The following PLCD4 variants were observed in gnomAD, a reference collection of about 807,000 sequenced individuals.
PLCD4 encodes phospholipase C delta 4.
Under a neutral mutation model 90.2 loss-of-function variants are expected in PLCD4, and 63 were observed. The ratio of observed to expected loss-of-function variants is 0.70; its 90% CI spans 0.57 to 0.86. The LOEUF (loss-of-function observed/expected upper bound fraction) is 0.86. Among genes scored for constraint, PLCD4 ranks in the 40% least tolerant of loss-of-function variants. The pLI, the probability that PLCD4 is intolerant of heterozygous loss-of-function variation, is 0.00. For synonymous variants in PLCD4, 294 were observed against 356.5 expected, an observed-to-expected ratio of 0.82 and a Z score of 1.97; for missense variants, 830 against 956.3, an observed-to-expected ratio of 0.87 and a Z score of 1.74.
chr2:218,632,571 C>A (rs999869278), intron 10 of PLCD4, among the ~76,000 whole-genome samples: 2 of 151,952 alleles, frequency 1.3e-5, no homozygotes, highest in African/African-American at 4.8e-5. Context: ...AATAGATAAA[C>A]GCAGAACCAT....
intron 1 of PLCD4, among the ~76,000 whole-genome samples, chr2:218,611,635 G>A (rs774725845): frequency 2.6e-4 from 40 of 152,126 alleles, no homozygotes; most frequent in Non-Finnish European, 4.4e-4. Context: ...GTCTCACTCC[G>A]TCACCCAGGC....
chr2:218,612,787 A>T (rs1695400922), intron 1 of PLCD4, among the ~76,000 whole-genome samples: 2 of 152,058 alleles, frequency 1.3e-5, no homozygotes, highest in African/African-American at 4.8e-5. Flanking sequence ...AAAAAAAAAG[A>T]AAGTCTTCTC....
At chr2:218,614,763 C>G (rs1213954629) in intron 1 of PLCD4, among the ~76,000 whole-genome samples, 1 of 151,942 alleles carries the variant, frequency 6.6e-6, no homozygotes, top group Non-Finnish European at 1.5e-5. Flanking sequence ...CAGCCTATAT[C>G]TTAAAAGAGG....
intron 1 of PLCD4, among the ~76,000 whole-genome samples, chr2:218,614,447 A>C (rs1695489948): frequency 6.6e-6 from 1 of 150,532 alleles, no homozygotes; most frequent in African/African-American, 2.4e-5. Context: ...CACCGTGCCC[A>C]GCCTTTTTCC....
Position 218,622,801 on chromosome 2 carries a change from A to C in PLCD4, c.695A>C (p.Gln232Pro), listed in dbSNP as rs1393209996. 1 of 1,613,914 alleles carries C rather than the reference A, an allele frequency of 6.2e-7. No individual in the cohort carries two copies. Among genetic ancestry groups the C allele is most frequent in the Non-Finnish European group, 8.5e-7 (1 of 1,179,902 alleles). The change falls in exon 6 of 16, where the codon CAA becomes CCA. Residue 232 changes from glutamine (Q) to proline (P), a missense_variant. Gln to Pro is a moderately conservative substitution (Grantham distance 76). Transcript: ENST00000450993. ...LTLLEFLDFL[Q>P]EEQKERDCTS... ...CTGCTGGAATTTTTGGATTTCCTCC[A>C]AGAGGAGCAGAAGGAGAGAGACTGC...
At position 218,608,079 on chromosome 2, in the gene PLCD4, C is replaced by G. The variant is rs1695170176; in HGVS notation, c.-34+9C>G. 6.6e-6 allele frequency: 1 copy of G among 152,508 alleles called. No homozygotes were observed. The highest frequency in any genetic ancestry group is 1.5e-5 in the Non-Finnish European group (1 of 68,290). The allele number at this position is 152,508 out of a possible 1,614,324, so 9.4% of individuals were successfully genotyped here. On this transcript the variant is annotated intron_variant, in intron 1 of 15. Transcript: ENST00000450993. Reference sequence around the variant, plus strand: ...CTGCTCTCCTGCCCACGGTAAGGATCTGGAAGCTCTGACTACCCTCTGCTC... The same window carrying G: ...CTGCTCTCCTGCCCACGGTAAGGATGTGGAAGCTCTGACTACCCTCTGCTC...
chr2:218,633,639 C>T lies in PLCD4; in HGVS notation c.1484C>T (p.Ser495Phe), dbSNP rs2106163868. 6.2e-7 allele frequency: 1 copy of T among 1,613,666 alleles called. No individual in the cohort carries two copies. The highest frequency in any genetic ancestry group is 8.5e-7 in the Non-Finnish European group (1 of 1,179,592). The change falls in exon 11 of 16, where the codon TCC (serine) becomes TTC (phenylalanine). Residue 495 changes from serine (S) to phenylalanine (F), a missense_variant. By Grantham distance (155) the Ser-to-Phe change is radical. Transcript: ENST00000450993. ...SKPILCPALSSLVIYLKSVSF... is the reference protein window; with the variant it reads ...SKPILCPALSFLVIYLKSVSF... ...CCCATCTTGTGTCCAGCCCTCTCTTCCCTGGTTATCTACTTGAAGTCTGTC... is the reference window on the plus strand; with the variant it reads ...CCCATCTTGTGTCCAGCCCTCTCTTTCCTGGTTATCTACTTGAAGTCTGTC...
rs1695940336 is a variant in PLCD4 at position 218,622,698 on chromosome 2, T to G, written c.592T>G (p.Phe198Val). 1 of 1,613,974 alleles carries G rather than the reference T, an allele frequency of 6.2e-7. No individual in the cohort carries two copies. Among genetic ancestry groups the G allele is most frequent in the Non-Finnish European group, 8.5e-7 (1 of 1,179,902 alleles). ...CCTGGAAGGAGAAGAATTCGTACAGTTCTATAAGGCATTGACTAAACGTGC... is the reference window on the plus strand; with the variant it reads ...CCTGGAAGGAGAAGAATTCGTACAGGTCTATAAGGCATTGACTAAACGTGC... ...GTLEGEEFVQ[F>V]YKALTKRAEV... Residue 198 changes from phenylalanine (F) to valine (V), a missense_variant, in exon 6 of 16, where the codon TTC (phenylalanine) becomes GTC (valine). Physicochemically the swap from Phe to Val is conservative, Grantham distance 50. Coordinates refer to ENST00000450993, the MANE Select transcript of PLCD4 (RefSeq NM_032726.4).
intron 1 of PLCD4, chr2:218,609,319 T>C (rs1440427374): frequency 1.3e-5 from 2 of 152,130 alleles, no homozygotes; most frequent in African/African-American, 4.8e-5. Context: ...AATCCCACTG[T>C]AATCTCCTTG....
In PLCD4 at chr2:218,625,132, AGAAAG is replaced by A. The variant is rs1696058368; in HGVS notation, c.772+2255_772+2259del. Among the ~76,000 whole-genome samples, 11 of 134,484 alleles carry A rather than the reference AGAAAG, an allele frequency of 8.2e-5. 1 individual carries two copies. The highest frequency in any genetic ancestry group is 3.9e-3 in the Middle Eastern group (1 of 256). The allele number at this position is 134,484 out of a possible 152,430, so 88.2% of individuals were successfully genotyped here. A position where few individuals can be genotyped will look rare whatever the true frequency, so the allele number is the denominator to read the frequency against. On this transcript the variant is annotated intron_variant, in intron 6 of 15. Coordinates refer to ENST00000450993, the MANE Select transcript of PLCD4 (RefSeq NM_032726.4). The stretch of plus-strand genomic sequence containing the variant: ...TCTGTTTCAAAAAAAAAAAAAAAAA[AGAAAG>A]AAAGAAAGAAAAAAGAAATAGGATC...
At position 218,629,721 on chromosome 2, in the gene PLCD4, T is replaced by C. The variant is rs1696277596; in HGVS notation, c.1119+58T>C. On this transcript the variant is annotated intron_variant, in intron 8 of 15. Transcript: ENST00000450993. ...CCAGAAGGTCTGAGGGAAGAACGAC[T>C]GGCTCTGGGTCTGGGGAGGGTGGAG... 3 of 1,574,826 alleles carry C rather than the reference T, an allele frequency of 1.9e-6. No individual in the cohort carries two copies. The East Asian group carries it at 6.8e-5, about 36-fold the overall frequency.
At chr2:218,628,372 G>A in intron 7 of PLCD4, 142 bp downstream of exon 7, 1 of 757,524 alleles carries the variant, frequency 1.3e-6, no homozygotes, top group Non-Finnish European at 2.2e-6. Context: ...GACACTTGGA[G>A]GAGATATTGA....
At position 218,629,632 on chromosome 2, in the gene PLCD4, T is replaced by C. The variant is rs1696272298; in HGVS notation, c.1088T>C (p.Val363Ala). The change falls in exon 8 of 16, where the codon GTC becomes GCC. Residue 363 changes from valine (V) to alanine (A), a missense_variant. Transcript: ENST00000450993. ...ACCTCCCGCATCCTGTTCAAAGATG[T>C]CGTGGCCACAGTAGCACAGTATGCC... ...TLTSRILFKD[V>A]VATVAQYAFQ... 1 of 1,613,542 alleles carries C rather than the reference T, an allele frequency of 6.2e-7. No homozygotes were observed. The highest frequency in any genetic ancestry group is 8.5e-7 in the Non-Finnish European group (1 of 1,179,812).
chr2:218,612,241 G>T (rs1695372846), intron 1 of PLCD4, among the ~76,000 whole-genome samples: 1 of 152,120 alleles, frequency 6.6e-6, no homozygotes, highest in African/African-American at 2.4e-5. Flanking sequence ...TCTTCACATA[G>T]CTTCTGTAAG....
intron 6 of PLCD4, among the ~76,000 whole-genome samples, chr2:218,627,070 G>A (rs1030351546): frequency 6.6e-6 from 1 of 151,664 alleles, no homozygotes; most frequent in African/African-American, 2.4e-5. Context: ...TGGCTAACAC[G>A]GTGAAACCCT....
In PLCD4 at chr2:218,621,738, C is replaced by T; in HGVS notation, c.540+139C>T. 7 of 1,133,942 alleles carry T rather than the reference C, an allele frequency of 6.2e-6. No individual in the cohort carries two copies. The South Asian group carries it at 8.7e-5, about 14-fold the overall frequency. 70.2% of individuals were successfully genotyped at this position (1,133,942 alleles called of 1,614,324 possible). A position where few individuals can be genotyped will look rare whatever the true frequency, so the allele number is the denominator to read the frequency against. On this transcript the variant is annotated intron_variant, in intron 5 of 15. Coordinates refer to ENST00000450993, the MANE Select transcript of PLCD4 (RefSeq NM_032726.4). ...TAAGTGCTAGGCTCAATGCCCTAGG[C>T]TCAATGGGAAGTATAGGGGATGATT...
intron 3 of PLCD4, among the ~76,000 whole-genome samples, chr2:218,616,986 A>T (rs1695643421): frequency 1.3e-5 from 1 of 79,954 alleles, no homozygotes; most frequent in Non-Finnish European, 2.5e-5. Context: ...AGAGAGAGAG[A>T]TGGAGTCTCG....
At chr2:218,630,824 C>T (rs935898100) in intron 9 of PLCD4, 22 bp downstream of exon 9, 3 of 1,594,366 alleles carry the variant, frequency 1.9e-6, no homozygotes, top group Non-Finnish European at 2.6e-6. Context: ...GTTCCTCCAG[C>T]CCAGGCTCTG....
At chr2:218,633,123 A>T in intron 10 of PLCD4, 1 of 465,284 alleles carries the variant, frequency 2.1e-6, no homozygotes, top group Non-Finnish European at 3.8e-6. Context: ...TTACTCTGGG[A>T]CTCTCACATC....
Sources: allele counts gnomAD v4.1 joint callset (sites outside exome capture counted in the v4.1 genomes callset), GRCh38; gene constraint gnomAD v4.1.1; transcripts MANE v1.5; gene names NCBI Gene and HGNC (gene_info 2026-07-23, HGNC 2026-07-21).